Variants in MRPS21 observed in about 807,000 individuals in gnomAD.
MRPS21 encodes small ribosomal subunit protein bS21m.
MRPS21 carries 8 observed loss-of-function variants against 9.9 expected under a neutral mutation model. That is an observed-to-expected ratio of 0.81 (90% CI 0.47 to 1.45). MRPS21 has a LOEUF of 1.45. Ranked by LOEUF, MRPS21 falls within the 40% of genes most tolerant of loss-of-function variation. The pLI is 0.00. For synonymous variants in MRPS21, 40 were observed against 40.3 expected, an observed-to-expected ratio of 0.99 and a Z score of 0.03; for missense variants, 101 against 118.9, an observed-to-expected ratio of 0.85 and a Z score of 0.70.
intron 2 of MRPS21, among the ~76,000 whole-genome samples, chr1:150,295,952 CTTTTT>C (rs35860472): frequency 8.6e-6 from 1 of 115,800 alleles, no homozygotes; most frequent in African/African-American, 2.9e-5. Flanking sequence ...CCTAGTAATA[CTTTTT>C]TTTTTTTTTT....
chr1:150,307,962 G>T, intron 2 of MRPS21, 86 bp from the exon 3 acceptor site: 1 of 1,265,612 alleles, frequency 7.9e-7, no homozygotes, highest in South Asian at 1.9e-5. Context: ...AATACCAATT[G>T]TTTGGTCAAT....
chr1:150,298,674 T>C (rs587683770), intron 2 of MRPS21, among the ~76,000 whole-genome samples: 96 of 152,302 alleles, frequency 6.3e-4, no homozygotes, highest in African/African-American at 2.3e-3. Context: ...CAATCTCTGC[T>C]CACTGTGACC....
At position 150,308,237 on chromosome 1, in the gene MRPS21, G is replaced by A; in HGVS notation, c.*9G>A. 6.3e-7 allele frequency: 1 copy of A among 1,581,106 alleles called. No individual in the cohort carries two copies. Among genetic ancestry groups the A allele is most frequent in the Non-Finnish European group, 8.7e-7 (1 of 1,153,142 alleles). On this transcript the variant is annotated 3_prime_UTR_variant, in exon 3 of 3. Coordinates refer to ENST00000614145, the MANE Select transcript of MRPS21 (RefSeq NM_031901.6). The stretch of plus-strand genomic sequence containing the variant: ...CGTGGCAGGGCTGCTGAGGCCTGTG[G>A]GTGGGACACCCAGTGCGAAACCCTC...
Position 150,297,095 on chromosome 1 carries a change from T to G in MRPS21, c.83+2646T>G, listed in dbSNP as rs1030029383. 2.5e-4 allele frequency among the ~76,000 whole-genome samples: 37 copies of G among 150,272 alleles called. 1 individual carries two copies. The highest frequency in any genetic ancestry group is 7.4e-5 in the Non-Finnish European group (5 of 67,560). On this transcript the variant is annotated intron_variant, in intron 2 of 2. Transcript: ENST00000614145. ...TCACGAGGTCAGGACATCGAGACCATCCTGGCTAACACGGTGAAACCCCGT... is the reference window on the plus strand; with the variant it reads ...TCACGAGGTCAGGACATCGAGACCAGCCTGGCTAACACGGTGAAACCCCGT...
chr1:150,307,073 TCTCA>T (rs1654360616), intron 2 of MRPS21, among the ~76,000 whole-genome samples: 1 of 147,420 alleles, frequency 6.8e-6, no homozygotes, highest in African/African-American at 2.5e-5. Flanking sequence ...GAGACAAGAG[TCTCA>T]CTCTGTTGCC....
At chr1:150,296,708 T>C (rs943015201) in intron 2 of MRPS21, among the ~76,000 whole-genome samples, 6 of 152,100 alleles carry the variant, frequency 3.9e-5, no homozygotes, top group Non-Finnish European at 8.8e-5. Context: ...TATTGAATGG[T>C]GGAGAGGAGC....
At position 150,294,465 on chromosome 1, in the gene MRPS21, C is replaced by T; in HGVS notation, c.83+16C>T. Reference sequence around the variant, plus strand: ...CCCTAAACAGGTAACTGTTAAGGGACCAGAATCATGCCTAGACTCTCTGGG... The same window carrying T: ...CCCTAAACAGGTAACTGTTAAGGGATCAGAATCATGCCTAGACTCTCTGGG... On this transcript the variant is annotated intron_variant, in intron 2 of 2. Transcript: ENST00000614145. The T allele has an allele frequency of 1.3e-6, 2 of 1,593,026 alleles. No individual in the cohort carries two copies. Among genetic ancestry groups the T allele is most frequent in the Non-Finnish European group, 1.7e-6 (2 of 1,161,188 alleles).
chr1:150,297,601 A>C (rs496203), intron 2 of MRPS21, among the ~76,000 whole-genome samples: 1 of 151,296 alleles, frequency 6.6e-6, no homozygotes, highest in African/African-American at 2.4e-5. Flanking sequence ...AACCTGGGAA[A>C]TAGAGGCTGC....
chr1:150,303,384 A>T (rs1038804550), intron 2 of MRPS21, among the ~76,000 whole-genome samples: 4 of 151,626 alleles, frequency 2.6e-5, no homozygotes, highest in Non-Finnish European at 5.9e-5. Context: ...AGTATTAAAC[A>T]CAAAGTCTCA....
At chr1:150,301,787 G>T (rs1654144785) in intron 2 of MRPS21, among the ~76,000 whole-genome samples, 1 of 151,886 alleles carries the variant, frequency 6.6e-6, no homozygotes, top group South Asian at 2.1e-4. Context: ...TTGTAGTAGA[G>T]ACGGGGTTTC....
chr1:150,297,285 T>G (rs1653948873), intron 2 of MRPS21, among the ~76,000 whole-genome samples: 1 of 25,762 alleles, frequency 3.9e-5, no homozygotes, highest in Non-Finnish European at 6.2e-5. Flanking sequence ...AGCGAGACTC[T>G]GTCTACAAAA....
intron 2 of MRPS21, among the ~76,000 whole-genome samples, chr1:150,299,644 G>A (rs1654044592): frequency 6.6e-6 from 1 of 151,970 alleles, no homozygotes; most frequent in African/African-American, 2.4e-5. Flanking sequence ...TAGTAGAGAC[G>A]GGGTTTCACC....
At chr1:150,302,877 G>A (rs1389501748) in intron 2 of MRPS21, among the ~76,000 whole-genome samples, 6 of 152,188 alleles carry the variant, frequency 3.9e-5, no homozygotes, top group Admixed American at 3.3e-4. Context: ...AACGTGTCGG[G>A]TAAGGGAGGG....
chr1:150,299,643 C>T (rs1280556872), intron 2 of MRPS21, among the ~76,000 whole-genome samples: 7 of 151,962 alleles, frequency 4.6e-5, no homozygotes, highest in South Asian at 4.2e-4. Context: ...TTAGTAGAGA[C>T]GGGGTTTCAC....
chr1:150,307,686 C>A (rs2101913772), intron 2 of MRPS21, among the ~76,000 whole-genome samples: 1 of 152,268 alleles, frequency 6.6e-6, no homozygotes, highest in South Asian at 2.1e-4. Context: ...TCAAGTGATG[C>A]TCCCACCTCA....
chr1:150,298,694 C>T (rs1440977964), intron 2 of MRPS21, among the ~76,000 whole-genome samples: 4 of 152,156 alleles, frequency 2.6e-5, no homozygotes, highest in Non-Finnish European at 4.4e-5. Flanking sequence ...CTCCGCCTCC[C>T]GAGTTCAAGC....
intron 2 of MRPS21, among the ~76,000 whole-genome samples, chr1:150,305,321 G>A (rs1165805233): frequency 6.6e-6 from 1 of 152,092 alleles, no homozygotes; most frequent in Non-Finnish European, 1.5e-5. Context: ...TTACAGGTGT[G>A]AGCCACCATG....
Position 150,293,933 on chromosome 1 carries a change from C to T in MRPS21, c.-33+35C>T, listed in dbSNP as rs1270704463. On this transcript the variant is annotated intron_variant, in intron 1 of 2. Transcript: ENST00000614145. ...TGTGCAGGGTTTGGGGAAAGGAAGGCTGGCTTGGCGAGAGGGCAGGTTTGC... is the reference window on the plus strand; with the variant it reads ...TGTGCAGGGTTTGGGGAAAGGAAGGTTGGCTTGGCGAGAGGGCAGGTTTGC... The T allele has an allele frequency of 2.5e-5, 5 of 202,810 alleles. No individual in the cohort carries two copies. In the South Asian group the frequency reaches 3.1e-4, roughly 13 times the overall value. The allele number at this position is 202,810 out of a possible 1,614,324, so 12.6% of individuals were successfully genotyped here. A position where few individuals can be genotyped will look rare whatever the true frequency, so the allele number is the denominator to read the frequency against.
chr1:150,295,010 T>TG (rs1465107448), intron 2 of MRPS21, among the ~76,000 whole-genome samples: 1 of 150,492 alleles, frequency 6.6e-6, no homozygotes, highest in Non-Finnish European at 1.5e-5. Flanking sequence ...TTTTTTTTTT[T>TG]TTTGAGGCAG....
Sources: allele counts gnomAD v4.1 joint callset (sites outside exome capture counted in the v4.1 genomes callset), GRCh38; gene constraint gnomAD v4.1.1; transcripts MANE v1.5; gene names NCBI Gene and HGNC (gene_info 2026-07-23, HGNC 2026-07-21).